PTPRD: variants seen among roughly 807,000 people sequenced by gnomAD.
The protein encoded by PTPRD is protein tyrosine phosphatase receptor type D.
Under a neutral mutation model 214.5 loss-of-function variants are expected in PTPRD, and 34 were observed. The observed-to-expected ratio is 0.16, with a 90% CI of 0.12 to 0.21. The LOEUF (loss-of-function observed/expected upper bound fraction) is 0.21. Ranked by LOEUF, PTPRD falls within the 10% of genes least tolerant of loss-of-function variation. The pLI is 1.00. For missense variants in PTPRD, 2,545 were observed against 2,398.7 expected (o/e 1.06, Z -1.27); for synonymous variants, 1,128 against 845.7 (o/e 1.33, Z -5.79).
At chr9:8,345,436 T>C (rs1313862295) in intron 39 of PTPRD, among the ~76,000 whole-genome samples, 1 of 152,064 alleles carries the variant, frequency 6.6e-6, no homozygotes, top group Non-Finnish European at 1.5e-5. Context: ...ATATGGTGAC[T>C]TTCCTGTAGA....
At chr9:8,839,813 C>A (rs1275256524) in intron 11 of PTPRD, among the ~76,000 whole-genome samples, 1 of 151,970 alleles carries the variant, frequency 6.6e-6, no homozygotes, top group Non-Finnish European at 1.5e-5. Context: ...AAAAGACAAA[C>A]AGACACATCT....
At chr9:10,009,388 C>T (rs1175188644) in intron 4 of PTPRD, among the ~76,000 whole-genome samples, 1 of 151,854 alleles carries the variant, frequency 6.6e-6, no homozygotes, top group Non-Finnish European at 1.5e-5. Context: ...AGGGTGTGCA[C>T]GGGTTCGGTC....
At chr9:9,131,582 G>A (rs909853431) in intron 10 of PTPRD, among the ~76,000 whole-genome samples, 2 of 152,076 alleles carry the variant, frequency 1.3e-5, no homozygotes, top group East Asian at 3.9e-4. Flanking sequence ...AAATAAAATT[G>A]TCATTTTACA....
At chr9:8,467,238 T>C (rs1413710611) in intron 31 of PTPRD, among the ~76,000 whole-genome samples, 2 of 151,876 alleles carry the variant, frequency 1.3e-5, no homozygotes, top group Non-Finnish European at 2.9e-5. Flanking sequence ...TTTAGCAAAA[T>C]TGGACCATCC....
At chr9:9,920,821 G>A (rs368018744) in intron 5 of PTPRD, among the ~76,000 whole-genome samples, 1 of 152,114 alleles carries the variant, frequency 6.6e-6, no homozygotes, top group Admixed American at 6.6e-5. Flanking sequence ...GAGTAGAGAA[G>A]TGAATAGAAA....
At chr9:9,329,267 A>AAAAC (rs200373675) in intron 9 of PTPRD, among the ~76,000 whole-genome samples, 2,611 of 152,256 alleles carry the variant, frequency 0.017, 72 homozygotes, top group African/African-American at 0.06. Flanking sequence ...ACAAAAAACA[A>AAAAC]AAACACAAAA....
At chr9:10,573,292 A>C (rs2068075248) in intron 2 of PTPRD, among the ~76,000 whole-genome samples, 1 of 152,196 alleles carries the variant, frequency 6.6e-6, no homozygotes, top group Non-Finnish European at 1.5e-5. Context: ...ATGTTATTTA[A>C]TCCCAATAAA....
chr9:10,399,604 T>C (rs1236503123), intron 2 of PTPRD, among the ~76,000 whole-genome samples: 1 of 151,812 alleles, frequency 6.6e-6, no homozygotes, highest in Non-Finnish European at 1.5e-5. Context: ...TCATTAGAAA[T>C]AGATATGAGG....
intron 5 of PTPRD, among the ~76,000 whole-genome samples, chr9:9,854,236 T>C (rs1272307695): frequency 7.2e-5 from 11 of 152,182 alleles, no homozygotes; most frequent in South Asian, 6.2e-4. Context: ...AGCTTTGAGA[T>C]GATACAATTA....
intron 11 of PTPRD, chr9:8,857,901 A>G (rs1294302217): frequency 6.4e-6 from 1 of 156,436 alleles, no homozygotes; most frequent in Non-Finnish European, 1.4e-5. Context: ...CATCCAAGGC[A>G]GCGCGTCCCC....
chr9:8,501,697 C>A (rs774372083), intron 23 of PTPRD, among the ~76,000 whole-genome samples: 2 of 152,136 alleles, frequency 1.3e-5, no homozygotes, highest in African/African-American at 4.8e-5. Context: ...TAACATTGAT[C>A]ATAGCCCATA....
intron 6 of PTPRD, among the ~76,000 whole-genome samples, chr9:9,751,371 T>C (rs1746791): frequency 0.53 from 80,221 of 151,874 alleles, 24,248 homozygotes; most frequent in African/African-American, 0.82. Flanking sequence ...GGTTTTGAAC[T>C]CCAGAAAAAT....
At chr9:9,977,355 C>T (rs1262303270) in intron 4 of PTPRD, among the ~76,000 whole-genome samples, 1 of 152,136 alleles carries the variant, frequency 6.6e-6, no homozygotes, top group African/African-American at 2.4e-5. Flanking sequence ...CACCCTAATA[C>T]ATTTATAAAT....
At chr9:10,556,652 T>C (rs2062676704) in intron 2 of PTPRD, among the ~76,000 whole-genome samples, 1 of 152,120 alleles carries the variant, frequency 6.6e-6, no homozygotes, top group Non-Finnish European at 1.5e-5. Flanking sequence ...AATAAGTATT[T>C]TGTTGACAAT....
At chr9:10,277,057 C>A (rs1431177132) in intron 3 of PTPRD, among the ~76,000 whole-genome samples, 1 of 152,168 alleles carries the variant, frequency 6.6e-6, no homozygotes, top group Non-Finnish European at 1.5e-5. Flanking sequence ...GGCTACCCCT[C>A]CACCAGGTGG....
intron 3 of PTPRD, among the ~76,000 whole-genome samples, chr9:10,340,581 G>A (rs1202237882): frequency 6.6e-6 from 1 of 151,846 alleles, no homozygotes; most frequent in Non-Finnish European, 1.5e-5. Flanking sequence ...TACATATTTG[G>A]ATAAACTACC....
chr9:8,986,687 T>C (rs2099346589), intron 11 of PTPRD, among the ~76,000 whole-genome samples: 1 of 152,068 alleles, frequency 6.6e-6, no homozygotes, highest in African/African-American at 2.4e-5. Context: ...TTGTAAAAAC[T>C]TTGAAAAATA....
chr9:9,657,515 G>C (rs1255989454), intron 7 of PTPRD, among the ~76,000 whole-genome samples: 1 of 152,120 alleles, frequency 6.6e-6, no homozygotes, highest in Non-Finnish European at 1.5e-5. Context: ...ACGAGTTGAT[G>C]AGTGCAGCAA....
rs545007562 is a variant in PTPRD, at chr9:9,616,902, T to G, written c.-286-42121A>C. ...CTGTTTGTTATGATTTCCATTCTTT[T>G]GCATTTGCTGAGGAGTGTTTTACTT... is the stretch of plus-strand genomic sequence containing the variant. On this transcript the variant is annotated intron_variant, in intron 7 of 45. Transcript: ENST00000381196. 5.9e-5 allele frequency among the ~76,000 whole-genome samples: 9 copies of G among 152,332 alleles called. No individual in the cohort carries two copies. In the East Asian group the frequency reaches 1.5e-3, roughly 26 times the overall value.
Sources: gnomAD v4.1 joint callset for allele counts (sites outside exome capture counted in the v4.1 genomes callset) on GRCh38, gnomAD v4.1.1 for gene constraint, MANE v1.5 for transcripts, NCBI Gene and HGNC (gene_info 2026-07-23, HGNC 2026-07-21) for gene names.